Variants in PHTF2 observed in about 807,000 individuals in gnomAD.
The protein encoded by PHTF2 is putative homeodomain transcription factor 2.
In PHTF2, 60 loss-of-function variants were observed where a neutral mutation model predicts 101.2. The ratio of observed to expected loss-of-function variants is 0.59; its 90% CI spans 0.48 to 0.73. The LOEUF (loss-of-function observed/expected upper bound fraction) is 0.73, where lower values mean the gene tolerates loss of function less well. PHTF2 is among the 30% of genes least tolerant of loss of function. The pLI is 0.00. For synonymous variants in PHTF2, 311 were observed against 307.3 expected, an observed-to-expected ratio of 1.01 and a Z score of -0.13; for missense variants, 747 against 908.7, an observed-to-expected ratio of 0.82 and a Z score of 2.29.
rs1562923528 is a variant in PHTF2, at chr7:77,893,650, CAG to C, written c.196_197del (p.Glu66AsnfsTer5). 3 of 1,395,358 alleles carry C rather than the reference CAG, an allele frequency of 2.1e-6. No homozygotes were observed. Among genetic ancestry groups the C allele is most frequent in the Non-Finnish European group, 3.0e-6 (3 of 995,188 alleles). The allele number at this position is 1,395,358 out of a possible 1,614,324, so 86.4% of individuals were successfully genotyped here. Reference sequence around the variant, plus strand: ...ACAAATATGGGAAAAATCTGTTGAACAGAGAGAAATCAAGGTAAGGAGTTTAT... The same window carrying C: ...ACAAATATGGGAAAAATCTGTTGAACAGAGAAATCAAGGTAAGGAGTTTAT... On this transcript the variant is annotated frameshift_variant, in exon 4 of 20. Transcript: ENST00000416283. LOFTEE classifies it high-confidence loss of function.
At chr7:77,916,567 A>T (rs1253113835) in intron 9 of PHTF2, among the ~76,000 whole-genome samples, 1 of 152,044 alleles carries the variant, frequency 6.6e-6, no homozygotes, top group East Asian at 1.9e-4. Context: ...TAAAAACAAA[A>T]CAAAACAAAA....
At chr7:77,882,986 T>C (rs1259770607) in intron 3 of PHTF2, among the ~76,000 whole-genome samples, 1 of 152,012 alleles carries the variant, frequency 6.6e-6, no homozygotes, top group African/African-American at 2.4e-5. Context: ...ACTAGAAACA[T>C]TGAACAATAT....
chr7:77,818,325 C>A (rs1794015717), intron 1 of PHTF2, among the ~76,000 whole-genome samples: 1 of 152,128 alleles, frequency 6.6e-6, no homozygotes, highest in Non-Finnish European at 1.5e-5. Flanking sequence ...TTCATAAAAT[C>A]TTTTCCCAGA....
At chr7:77,857,624 CA>C (rs1471758449) in intron 3 of PHTF2, among the ~76,000 whole-genome samples, 1 of 152,164 alleles carries the variant, frequency 6.6e-6, no homozygotes, top group East Asian at 1.9e-4. Context: ...TGGCTCAGAT[CA>C]AAAACCTTCC....
intron 3 of PHTF2, among the ~76,000 whole-genome samples, chr7:77,858,380 A>G (rs1447157269): frequency 2.0e-5 from 3 of 152,186 alleles, no homozygotes; most frequent in Non-Finnish European, 2.9e-5. Context: ...TTGACTTTAG[A>G]GGTTATCTAG....
intron 12 of PHTF2, among the ~76,000 whole-genome samples, chr7:77,933,264 A>C (rs1804776747): frequency 6.6e-6 from 1 of 152,136 alleles, no homozygotes; most frequent in South Asian, 2.1e-4. Flanking sequence ...TAAAATAAAT[A>C]AATAAATAGT....
intron 11 of PHTF2, chr7:77,923,352 G>A: frequency 2.1e-6 from 2 of 964,692 alleles, no homozygotes; most frequent in Non-Finnish European, 2.5e-6. Flanking sequence ...TGGCTTTAAG[G>A]CAAATAAATT....
intron 11 of PHTF2, among the ~76,000 whole-genome samples, chr7:77,925,217 A>AC (rs1274207003): frequency 6.6e-6 from 1 of 151,768 alleles, no homozygotes; most frequent in Non-Finnish European, 1.5e-5. Context: ...TTTTCCTTCC[A>AC]CCCCCCAAGA....
At chr7:77,844,470 T>A (rs1796119821) in intron 2 of PHTF2, among the ~76,000 whole-genome samples, 1 of 152,250 alleles carries the variant, frequency 6.6e-6, no homozygotes, top group African/African-American at 2.4e-5. Flanking sequence ...GAAATTATTA[T>A]AAATGCGTAC....
At chr7:77,924,944 G>A (rs1214660197) in intron 11 of PHTF2, among the ~76,000 whole-genome samples, 1 of 152,150 alleles carries the variant, frequency 6.6e-6, no homozygotes, top group African/African-American at 2.4e-5. Context: ...GTTCTGTTGG[G>A]AGGAATTACT....
At chr7:77,876,020 C>T (rs1055677075) in intron 3 of PHTF2, among the ~76,000 whole-genome samples, 8 of 152,172 alleles carry the variant, frequency 5.3e-5, no homozygotes, top group African/African-American at 7.2e-5. Context: ...TAGTAGTTTT[C>T]TTAAGGTCAC....
chr7:77,858,857 A>G (rs1245298160), intron 3 of PHTF2, among the ~76,000 whole-genome samples: 1 of 152,172 alleles, frequency 6.6e-6, no homozygotes, highest in Non-Finnish European at 1.5e-5. Context: ...ATAAGAAGTT[A>G]TATTGGTTTT....
At chr7:77,824,221 AAAGAT>A (rs1351985925) in intron 1 of PHTF2, among the ~76,000 whole-genome samples, 19 of 151,924 alleles carry the variant, frequency 1.3e-4, no homozygotes, top group African/African-American at 4.3e-4. Flanking sequence ...GCAGATAGTA[AAAGAT>A]AAGATTTGAG....
intron 2 of PHTF2, among the ~76,000 whole-genome samples, chr7:77,843,630 G>T (rs1796054086): frequency 6.6e-6 from 1 of 152,228 alleles, no homozygotes; most frequent in African/African-American, 2.4e-5. Flanking sequence ...AACTGCAGCT[G>T]TACTTACTGA....
exon 20 of PHTF2, chr7:77,955,732 A>C (rs999151038): frequency 3.3e-5 from 5 of 152,630 alleles, no homozygotes; most frequent in African/African-American, 1.2e-4. Context: ...ACTAAAGTAC[A>C]TTATGTTTAC....
chr7:77,833,200 G>T (rs909567326), intron 1 of PHTF2, among the ~76,000 whole-genome samples: 1 of 152,166 alleles, frequency 6.6e-6, no homozygotes, highest in Non-Finnish European at 1.5e-5. Flanking sequence ...TGGAATTTTG[G>T]AAGTCTTGTC....
chr7:77,924,218 A>G (rs1803749445), intron 11 of PHTF2: 1 of 664,712 alleles, frequency 1.5e-6, no homozygotes, highest in Admixed American at 6.3e-5. Context: ...TTATTTATAA[A>G]TTTAAATTTA....
At chr7:77,892,328 T>G (rs1403820583) in intron 3 of PHTF2, among the ~76,000 whole-genome samples, 2 of 152,162 alleles carry the variant, frequency 1.3e-5, no homozygotes, top group Non-Finnish European at 2.9e-5. Flanking sequence ...TCTTATCAAG[T>G]CACTTAAGTT....
At chr7:77,940,004 C>T (rs1263862249) in intron 13 of PHTF2, 26 bp from the exon 13 acceptor site, 2 of 1,532,972 alleles carry the variant, frequency 1.3e-6, no homozygotes, top group Admixed American at 2.2e-5. Flanking sequence ...TTTTTCTTTT[C>T]TCTCTCTTCC....
Sources: allele counts gnomAD v4.1 joint callset (sites outside exome capture counted in the v4.1 genomes callset), GRCh38; gene constraint gnomAD v4.1.1; transcripts MANE v1.5; gene names NCBI Gene and HGNC (gene_info 2026-07-23, HGNC 2026-07-21).